ITGA9: variants seen among roughly 807,000 people sequenced by gnomAD.
ITGA9 encodes the protein integrin alpha-9.
ITGA9 carries 56 observed loss-of-function variants against 127.8 expected under a neutral mutation model. The ratio of observed to expected loss-of-function variants is 0.44; its 90% CI spans 0.35 to 0.55. ITGA9 has a LOEUF of 0.55. ITGA9 is among the 20% of genes least tolerant of loss of function. ITGA9 has a pLI of 0.00. For missense variants in ITGA9, 1,196 were observed against 1,347.1 expected, an observed-to-expected ratio of 0.89 and a Z score of 1.76; for synonymous variants, 508 against 514.5, an observed-to-expected ratio of 0.99 and a Z score of 0.17.
intron 17 of ITGA9, among the ~76,000 whole-genome samples, chr3:37,669,500 G>A (rs1303916582): frequency 6.6e-6 from 1 of 152,248 alleles, no homozygotes; most frequent in Non-Finnish European, 1.5e-5. Flanking sequence ...AGGGAAGGGA[G>A]CCTATCCTGA....
intron 17 of ITGA9, among the ~76,000 whole-genome samples, chr3:37,682,026 G>A (rs138860413): frequency 3.3e-5 from 5 of 152,222 alleles, no homozygotes; most frequent in Non-Finnish European, 5.9e-5. Flanking sequence ...GTTGCCTGTC[G>A]TGTTTTCATT....
In ITGA9 at chr3:37,777,383, C is replaced by A; in HGVS notation, c.2542-9C>A. The A allele has an allele frequency of 6.2e-7, 1 of 1,614,102 alleles. No homozygotes were observed. The highest frequency in any genetic ancestry group is 8.5e-7 in the Non-Finnish European group (1 of 1,179,968). ...ATGACTCCTCTGACAGGCCTCTTTTCATTTGCAGGTGGGCCAAGAGAAGGG... is the reference window on the plus strand; with the variant it reads ...ATGACTCCTCTGACAGGCCTCTTTTAATTTGCAGGTGGGCCAAGAGAAGGG... On this transcript the variant is annotated splice_polypyrimidine_tract_variant and intron_variant, in intron 23 of 27. Coordinates refer to ENST00000264741, the MANE Select transcript of ITGA9 (RefSeq NM_002207.3).
At chr3:37,784,318 T>C (rs1176658829) in intron 25 of ITGA9, among the ~76,000 whole-genome samples, 2 of 152,150 alleles carry the variant, frequency 1.3e-5, no homozygotes, top group East Asian at 3.9e-4. Flanking sequence ...TGTCTTTGAA[T>C]CTGAGCCCAC....
chr3:37,528,635 G>A (rs527240110), intron 13 of ITGA9, among the ~76,000 whole-genome samples: 1 of 152,304 alleles, frequency 6.6e-6, no homozygotes, highest in African/African-American at 2.4e-5. Context: ...TGTGACCTTA[G>A]ATTATAGCCA....
chr3:37,586,522 G>T (rs1699760653), intron 15 of ITGA9, among the ~76,000 whole-genome samples: 1 of 152,186 alleles, frequency 6.6e-6, no homozygotes, highest in Non-Finnish European at 1.5e-5. Flanking sequence ...ATGCCATTTG[G>T]CATTTCAAGT....
intron 18 of ITGA9, among the ~76,000 whole-genome samples, chr3:37,694,014 G>A (rs1043448399): frequency 1.3e-5 from 2 of 152,168 alleles, no homozygotes; most frequent in Non-Finnish European, 2.9e-5. Context: ...GGTGGATGCC[G>A]ATACTTAGAA....
chr3:37,500,892 T>A (rs536663100), intron 5 of ITGA9, among the ~76,000 whole-genome samples: 1 of 152,280 alleles, frequency 6.6e-6, no homozygotes, highest in South Asian at 2.1e-4. Context: ...GCATCTGTTA[T>A]CCCCATGAGC....
chr3:37,781,820 C>T (rs1251549375), intron 25 of ITGA9, among the ~76,000 whole-genome samples: 1 of 152,198 alleles, frequency 6.6e-6, no homozygotes, highest in African/African-American at 2.4e-5. Context: ...AACACACTGA[C>T]CTGAGAGGAT....
At chr3:37,557,156 A>G (rs1164431986) in intron 15 of ITGA9, among the ~76,000 whole-genome samples, 1 of 152,134 alleles carries the variant, frequency 6.6e-6, no homozygotes, top group Non-Finnish European at 1.5e-5. Context: ...TTAAGCAGAA[A>G]ATTTTAAAGT....
At chr3:37,536,376 T>TTTTA (rs1699208365) in intron 14 of ITGA9, among the ~76,000 whole-genome samples, 2 of 152,252 alleles carry the variant, frequency 1.3e-5, no homozygotes, top group African/African-American at 4.8e-5. Context: ...CTGAGTTTGT[T>TTTTA]AGCAGGACGG....
intron 15 of ITGA9, among the ~76,000 whole-genome samples, chr3:37,567,968 A>C (rs1331373573): frequency 1.3e-5 from 2 of 152,134 alleles, no homozygotes; most frequent in Non-Finnish European, 2.9e-5. Flanking sequence ...GTCTTCTCAC[A>C]GCTCCACTAG....
intron 17 of ITGA9, among the ~76,000 whole-genome samples, chr3:37,669,427 C>T (rs1179196318): frequency 6.6e-6 from 1 of 152,216 alleles, no homozygotes; most frequent in African/African-American, 2.4e-5. Context: ...CCTGTCCCTG[C>T]CCCAGCCTGG....
At chr3:37,519,559 C>T (rs570954107) in intron 11 of ITGA9, among the ~76,000 whole-genome samples, 14 of 152,360 alleles carry the variant, frequency 9.2e-5, no homozygotes, top group African/African-American at 3.1e-4. Flanking sequence ...TTCGCTAACA[C>T]TCAGGGATGC....
chr3:37,660,455 A>T (rs544075275), intron 17 of ITGA9, among the ~76,000 whole-genome samples: 1 of 152,318 alleles, frequency 6.6e-6, no homozygotes, highest in Non-Finnish European at 1.5e-5. Context: ...GGATGATCAA[A>T]TCCATCTCTA....
intron 8 of ITGA9, among the ~76,000 whole-genome samples, chr3:37,512,975 C>T (rs1181943681): frequency 1.3e-5 from 2 of 152,226 alleles, no homozygotes. Flanking sequence ...TCTGTTCCCT[C>T]ATCAGTTAAA....
chr3:37,679,552 A>C (rs551550881), intron 17 of ITGA9, among the ~76,000 whole-genome samples: 1 of 152,194 alleles, frequency 6.6e-6, no homozygotes, highest in South Asian at 2.1e-4. Context: ...CTGGGGCTCA[A>C]CTTCTTCATC....
chr3:37,733,861 G>A (rs1282020623), intron 19 of ITGA9, among the ~76,000 whole-genome samples: 1 of 152,212 alleles, frequency 6.6e-6, no homozygotes, highest in African/African-American at 2.4e-5. Flanking sequence ...TAGGGTCAAT[G>A]TTGTTCAGTG....
At chr3:37,547,797 T>G (rs1699341568) in intron 15 of ITGA9, among the ~76,000 whole-genome samples, 1 of 152,206 alleles carries the variant, frequency 6.6e-6, no homozygotes, top group Admixed American at 6.5e-5. Context: ...TAAAATTTGT[T>G]TATTTTTTGA....
intron 15 of ITGA9, among the ~76,000 whole-genome samples, chr3:37,560,650 G>A (rs1392276899): frequency 6.6e-6 from 1 of 152,152 alleles, no homozygotes; most frequent in Non-Finnish European, 1.5e-5. Context: ...CATTCTAACT[G>A]GCATGAGATG....
Sources: allele counts gnomAD v4.1 joint callset (sites outside exome capture counted in the v4.1 genomes callset), GRCh38; gene constraint gnomAD v4.1.1; transcripts MANE v1.5; gene names NCBI Gene and HGNC (gene_info 2026-07-23, HGNC 2026-07-21).